Variants in ASNS observed in about 807,000 individuals in gnomAD.
The protein encoded by ASNS is asparagine synthetase [glutamine-hydrolyzing].
In ASNS, 37 loss-of-function variants were observed where a neutral mutation model predicts 62.6. The ratio of observed to expected loss-of-function variants is 0.59; its 90% CI spans 0.45 to 0.78. The LOEUF (loss-of-function observed/expected upper bound fraction) is 0.78, where lower values mean the gene tolerates loss of function less well. Among genes scored for constraint, ASNS ranks in the 30% least tolerant of loss-of-function variants. The pLI, the probability that ASNS is intolerant of heterozygous loss-of-function variation, is 0.00. For synonymous variants in ASNS, 207 were observed against 237.9 expected (o/e 0.87, Z 1.19); for missense variants, 520 against 682.4 (o/e 0.76, Z 2.65).
intron 4 of ASNS, 111 bp from the exon 5 acceptor site, chr7:97,859,509 T>A: frequency 8.5e-7 from 1 of 1,181,112 alleles, no homozygotes; most frequent in Non-Finnish European, 1.1e-6. Context: ...TACAAACACA[T>A]ACCCATTAAA....
At chr7:97,870,289 CA>C in intron 1 of ASNS, 21 of 570,512 alleles carry the variant, frequency 3.7e-5, no homozygotes, top group South Asian at 1.3e-4. Context: ...ATGGATACAC[CA>C]AAAACAAGAT....
At chr7:97,922,020 A>C in the ASNS span, among the ~76,000 whole-genome samples, 4 of 152,208 alleles carry the variant, frequency 2.6e-5, no homozygotes, top group Non-Finnish European at 5.9e-5. Context: ...GAAATAAGCC[A>C]GGCACAAAAC....
chr7:97,893,040 G>A, the ASNS span, among the ~76,000 whole-genome samples: 1 of 152,232 alleles, frequency 6.6e-6, no homozygotes, highest in Admixed American at 6.5e-5. Flanking sequence ...AAAGAAAGAG[G>A]TTTAATGGAC....
chr7:97,858,855 T>C lies in ASNS; in HGVS notation c.774A>G (p.Ser258=). ...MTDRRIGCLL[S]GGLDSSLVAA... ...TTAGGTTTTTTTAATTGACTTCACC[T>C]GATAAAAGGCAGCCAATCCTTCTGT... Residue 258 remains serine (S), a splice_region_variant and synonymous_variant, in exon 6 of 13, where the codon TCA becomes TCG. Coordinates refer to ENST00000394308, the MANE Select transcript of ASNS (RefSeq NM_001673.5). 1.9e-6 allele frequency: 3 copies of C among 1,609,816 alleles called. No individual in the cohort carries two copies. The highest frequency in any genetic ancestry group is 1.7e-6 in the Non-Finnish European group (2 of 1,178,860).
intron 3 of ASNS, among the ~76,000 whole-genome samples, 155 bp downstream of exon 3, chr7:97,868,753 T>G (rs1792100640): frequency 6.6e-6 from 1 of 152,318 alleles, no homozygotes; most frequent in African/African-American, 2.4e-5. Flanking sequence ...ACCTTTTTAT[T>G]CATCAGTTCC....
At chr7:97,882,726 T>A in the ASNS span, among the ~76,000 whole-genome samples, 2 of 152,054 alleles carry the variant, frequency 1.3e-5, no homozygotes, top group Non-Finnish European at 1.5e-5. Context: ...TGGTGGTGCA[T>A]GAGTGTCTAT....
chr7:97,903,067 A>T, the ASNS span, among the ~76,000 whole-genome samples: 3 of 152,092 alleles, frequency 2.0e-5, no homozygotes, highest in Non-Finnish European at 4.4e-5. Flanking sequence ...CCACACATAG[A>T]ACAGAGAAAT....
At chr7:97,912,674 C>T in the ASNS span, among the ~76,000 whole-genome samples, 18 of 149,302 alleles carry the variant, frequency 1.2e-4, no homozygotes, top group South Asian at 3.4e-3. Context: ...CTTCTGCCTC[C>T]TGAGCTCAAA....
At chr7:97,884,376 C>A in the ASNS span, among the ~76,000 whole-genome samples, 1 of 152,086 alleles carries the variant, frequency 6.6e-6, no homozygotes, top group African/African-American at 2.4e-5. Flanking sequence ...TGGTGGAACC[C>A]CATCTCTACT....
rs748203238 is a variant in ASNS, at chr7:97,853,363, A to G, written c.1262T>C (p.Leu421Pro). ...GTAATAGGAAGAAAATCGATGATCT[A>G]GAAATGGGACTCTCAGTTCAAGACT... ...AHGLELRVPF[L>P]DHRFSSYYLS... is the part of the protein sequence containing the mutation. Residue 421 changes from leucine to proline, a missense_variant, in exon 11 of 13, where the codon CTA becomes CCA. Transcript: ENST00000394308. The G allele has an allele frequency of 6.2e-7, 1 of 1,612,788 alleles. No homozygotes were observed. The highest frequency in any genetic ancestry group is 1.7e-5 in the Admixed American group (1 of 59,998).
chr7:97,861,135 C>A (rs902023928), intron 4 of ASNS, among the ~76,000 whole-genome samples: 14 of 151,400 alleles, frequency 9.2e-5, no homozygotes, highest in African/African-American at 3.2e-4. Flanking sequence ...CATTCTCCTG[C>A]CTCAGCCTCC....
the ASNS span, among the ~76,000 whole-genome samples, chr7:97,887,023 T>C: frequency 6.6e-6 from 1 of 152,172 alleles, no homozygotes; most frequent in Admixed American, 6.5e-5. Flanking sequence ...GATGTGGAAA[T>C]AATTATCAGC....
At chr7:97,870,537 G>A (rs968108495) in intron 1 of ASNS, among the ~76,000 whole-genome samples, 2 of 152,142 alleles carry the variant, frequency 1.3e-5, no homozygotes, top group African/African-American at 4.8e-5. Context: ...TATATGGTTA[G>A]AATGAAAATC....
intron 6 of ASNS, 53 bp downstream of exon 6, chr7:97,858,801 C>A (rs1791578034): frequency 2.0e-6 from 3 of 1,488,332 alleles, no homozygotes; most frequent in South Asian, 1.2e-5. Context: ...GGCTACAAAT[C>A]ATTTCAATTA....
the ASNS span, among the ~76,000 whole-genome samples, chr7:97,894,295 G>A: frequency 6.6e-6 from 1 of 151,664 alleles, no homozygotes; most frequent in African/African-American, 2.4e-5. Context: ...ACGACCTAAT[G>A]ATGCACCTCA....
chr7:97,917,375 C>G, the ASNS span, among the ~76,000 whole-genome samples: 1 of 152,226 alleles, frequency 6.6e-6, no homozygotes, highest in African/African-American at 2.4e-5. Flanking sequence ...AGCCCATATG[C>G]CTTACAGAGT....
chr7:97,885,347 T>G, the ASNS span, among the ~76,000 whole-genome samples: 1 of 152,262 alleles, frequency 6.6e-6, no homozygotes, highest in Admixed American at 6.5e-5. Flanking sequence ...AATGCTGCTA[T>G]GAGCATTTGT....
chr7:97,866,659 C>G (rs1330449509), intron 3 of ASNS, among the ~76,000 whole-genome samples: 1 of 152,206 alleles, frequency 6.6e-6, no homozygotes, highest in Non-Finnish European at 1.5e-5. Context: ...TTAAAACATG[C>G]TTTCAAATTT....
the ASNS span, among the ~76,000 whole-genome samples, chr7:97,915,353 G>A: frequency 5.6e-3 from 857 of 152,306 alleles, 11 homozygotes; most frequent in African/African-American, 0.019. Flanking sequence ...CTAATACTGA[G>A]CAAGTTACAC....
Sources: gnomAD v4.1 joint callset for allele counts (sites outside exome capture counted in the v4.1 genomes callset) on GRCh38, gnomAD v4.1.1 for gene constraint, MANE v1.5 for transcripts, NCBI Gene and HGNC (gene_info 2026-07-23, HGNC 2026-07-21) for gene names.